Variants in MPP7 observed in about 807,000 individuals in gnomAD.
MPP7 encodes the protein MAGUK p55 subfamily member 7.
Under a neutral mutation model 76.5 loss-of-function variants are expected in MPP7, and 60 were observed. The observed-to-expected ratio is 0.78, with a 90% CI of 0.64 to 0.97. MPP7 has a LOEUF of 0.97. MPP7 is among the 50% of genes least tolerant of loss of function. The pLI, the probability that MPP7 is intolerant of heterozygous loss-of-function variation, is 0.00. For missense variants in MPP7, 641 were observed against 694.0 expected, an observed-to-expected ratio of 0.92 and a Z score of 0.86; for synonymous variants, 237 against 244.5, an observed-to-expected ratio of 0.97 and a Z score of 0.29.
chr10:28,073,217 G>A (rs1239825388), intron 12 of MPP7, among the ~76,000 whole-genome samples: 1 of 152,016 alleles, frequency 6.6e-6, no homozygotes, highest in Non-Finnish European at 1.5e-5. Context: ...ACCACCAAAG[G>A]CTGCCAATTT....
At chr10:28,075,632 A>G (rs1351455961) in intron 12 of MPP7, among the ~76,000 whole-genome samples, 1 of 152,052 alleles carries the variant, frequency 6.6e-6, no homozygotes, top group Non-Finnish European at 1.5e-5. Context: ...GGTCTTCATC[A>G]CGTGCTACTT....
chr10:28,307,041 C>T (rs1269969352), upstream of MPP7, among the ~76,000 whole-genome samples: 1 of 152,198 alleles, frequency 6.6e-6, no homozygotes, highest in Non-Finnish European at 1.5e-5. Context: ...TGCAGGGGAC[C>T]AGTATGGCTG....
At chr10:28,197,310 G>A (rs1837618775) in intron 3 of MPP7, among the ~76,000 whole-genome samples, 1 of 151,002 alleles carries the variant, frequency 6.6e-6, no homozygotes, top group Admixed American at 6.6e-5. Flanking sequence ...AGCCTCCCAA[G>A]CAGCTGGGAT....
At position 28,124,179 on chromosome 10, in the gene MPP7, C is replaced by T. The variant is rs1416851410; in HGVS notation, c.530-63G>A. 3 of 1,084,012 alleles carry T rather than the reference C, an allele frequency of 2.8e-6. No individual in the cohort carries two copies. The Admixed American group carries it at 5.1e-5, about 19-fold the overall frequency. 67.1% of individuals were successfully genotyped at this position (1,084,012 alleles called of 1,614,324 possible). A position where few individuals can be genotyped will look rare whatever the true frequency, so the allele number is the denominator to read the frequency against. On this transcript the variant is annotated intron_variant, in intron 7 of 16. Transcript: ENST00000683449. ...CCACAACCAAAACTGTAATTTGCAG[C>T]TGTTTCCATAAGTAAAGCATTGTTA...
chr10:28,333,169 G>A (rs767320418), intron 1 of MPP7, among the ~76,000 whole-genome samples: 1 of 152,152 alleles, frequency 6.6e-6, no homozygotes, highest in African/African-American at 2.4e-5. Flanking sequence ...TTAAGACAGA[G>A]AGTGTCACTC....
intron 5 of MPP7, 59 bp downstream of exon 5, chr10:28,147,424 G>T: frequency 7.4e-7 from 1 of 1,344,712 alleles, no homozygotes; most frequent in Non-Finnish European, 1.1e-6. Context: ...AAATTCATCT[G>T]AAGGCTCAGA....
chr10:28,307,131 AC>A (rs1311957150), upstream of MPP7, among the ~76,000 whole-genome samples: 1 of 152,156 alleles, frequency 6.6e-6, no homozygotes, highest in East Asian at 1.9e-4. Context: ...CATTCATTGC[AC>A]CCCTGACATT....
chr10:28,136,193 G>A (rs960755963), intron 5 of MPP7, among the ~76,000 whole-genome samples: 9 of 151,744 alleles, frequency 5.9e-5, no homozygotes, highest in African/African-American at 2.2e-4. Context: ...GGTTCCCACT[G>A]ATCCTACATT....
intron 1 of MPP7, among the ~76,000 whole-genome samples, chr10:28,269,015 C>A (rs1270546843): frequency 6.6e-6 from 1 of 152,190 alleles, no homozygotes; most frequent in Non-Finnish European, 1.5e-5. Flanking sequence ...AGCAAATCCA[C>A]CTGTAATTAC....
chr10:28,272,910 T>G (rs1589014203), intron 1 of MPP7, among the ~76,000 whole-genome samples: 1 of 109,948 alleles, frequency 9.1e-6, no homozygotes, highest in South Asian at 3.2e-4. Flanking sequence ...AAATGGTTTG[T>G]TTTTTTTGTT....
At chr10:28,072,403 T>G (rs1268185785) in intron 12 of MPP7, among the ~76,000 whole-genome samples, 1 of 152,220 alleles carries the variant, frequency 6.6e-6, no homozygotes, top group Non-Finnish European at 1.5e-5. Context: ...TAGCACAGCA[T>G]GTTGAAGTAA....
chr10:28,180,727 A>G lies in MPP7; in HGVS notation c.156+21426T>C, dbSNP rs550175674. ...ATTTCCTCTGTGAACTCTGCTCCACAAGCCCACGTGCTCAGACCCAGGTGG... is the reference window on the plus strand; with the variant it reads ...ATTTCCTCTGTGAACTCTGCTCCACGAGCCCACGTGCTCAGACCCAGGTGG... On this transcript the variant is annotated intron_variant, in intron 3 of 16. Transcript: ENST00000683449. Among the ~76,000 whole-genome samples, 39 of 152,296 alleles carry G rather than the reference A, an allele frequency of 2.6e-4. No individual in the cohort carries two copies. In the South Asian group the frequency reaches 7.9e-3, roughly 31 times the overall value.
intron 2 of MPP7, among the ~76,000 whole-genome samples, chr10:28,213,379 G>A (rs1425333221): frequency 6.6e-6 from 1 of 152,056 alleles, no homozygotes; most frequent in South Asian, 2.1e-4. Context: ...GCCCCACGTG[G>A]GGCAAATGTG....
rs59442840 is a variant in MPP7, at chr10:28,327,231, TAAAAAA to T, written c.-132+2692_-132+2697del. On this transcript the variant is annotated intron_variant, in intron 2 of 11. Coordinates refer to the MPP7 transcript ENST00000441595. ...TTTTGATTTCAACTTGTCAAAGAAGTAAAAAAAAAAAAAAAAAAAAAAAAAGTCTTA... is the reference window on the plus strand; with the variant it reads ...TTTTGATTTCAACTTGTCAAAGAAGTAAAAAAAAAAAAAAAAAAAGTCTTA... Among the ~76,000 whole-genome samples, 628 of 95,746 alleles carry T rather than the reference TAAAAAA, an allele frequency of 6.6e-3. 7 individuals are homozygous for T. Among genetic ancestry groups the T allele is most frequent in the African/African-American group, 0.019 (559 of 29,938 alleles). The allele number at this position is 95,746 out of a possible 152,430, so 62.8% of individuals were successfully genotyped here.
chr10:28,184,863 ATTT>A (rs1408536725), intron 3 of MPP7, among the ~76,000 whole-genome samples: 1 of 143,700 alleles, frequency 7.0e-6, no homozygotes, highest in African/African-American at 2.5e-5. Flanking sequence ...ATATATTATG[ATTT>A]TTATGATTTT....
At chr10:28,063,132 A>G (rs755088266) in intron 13 of MPP7, among the ~76,000 whole-genome samples, 7 of 152,144 alleles carry the variant, frequency 4.6e-5, no homozygotes, top group Non-Finnish European at 7.4e-5. Context: ...TATGTAAAGA[A>G]CTCTCAAAAC....
At chr10:28,097,812 G>A (rs1225324689) in intron 11 of MPP7, among the ~76,000 whole-genome samples, 2 of 152,152 alleles carry the variant, frequency 1.3e-5, no homozygotes. Context: ...ATGTAAGGCA[G>A]TGTCATTGGC....
chr10:28,154,912 T>C (rs977570160), intron 3 of MPP7, among the ~76,000 whole-genome samples: 2 of 152,204 alleles, frequency 1.3e-5, no homozygotes, highest in Non-Finnish European at 2.9e-5. Flanking sequence ...GTTTTTTTTT[T>C]CCAGTAATTG....
intron 1 of MPP7, among the ~76,000 whole-genome samples, chr10:28,241,721 G>A (rs1048498594): frequency 4.6e-5 from 7 of 152,188 alleles, no homozygotes; most frequent in African/African-American, 1.4e-4. Context: ...AGAAAGACCC[G>A]AAAGCCAGGA....
Sources: allele counts gnomAD v4.1 joint callset (sites outside exome capture counted in the v4.1 genomes callset), GRCh38; gene constraint gnomAD v4.1.1; transcripts MANE v1.5; gene names NCBI Gene and HGNC (gene_info 2026-07-23, HGNC 2026-07-21).